PFKP: variants seen among roughly 807,000 people sequenced by gnomAD.
PFKP encodes the protein phosphofructokinase, platelet.
PFKP carries 101 observed loss-of-function variants against 94.3 expected under a neutral mutation model. The ratio of observed to expected loss-of-function variants is 1.07; its 90% CI spans 0.91 to 1.26. The LOEUF is 1.26. PFKP is among the 50% of genes most tolerant of loss of function. The pLI is 0.00. For synonymous variants in PFKP, 573 were observed against 432.6 expected (o/e 1.32, Z -4.03); for missense variants, 1,145 against 1,103.3 (o/e 1.04, Z -0.53).
rs574183097 is a variant in PFKP at position 3,074,931 on chromosome 10, G to T, written c.112+7224G>T. The stretch of plus-strand genomic sequence containing the variant: ...GAAATCCGTGGTCTCACAGCCTTCA[G>T]AGCCGAGAGCCCAGAACAGAGATTT... On this transcript the variant is annotated intron_variant, in intron 1 of 21. Transcript: ENST00000381125. 5.3e-5 allele frequency among the ~76,000 whole-genome samples: 8 copies of T among 152,188 alleles called. 1 individual carries two copies. Among genetic ancestry groups the T allele is most frequent in the Admixed American group, 3.9e-4 (6 of 15,290 alleles).
chr10:3,088,985 G>T (rs1833842555), intron 2 of PFKP, among the ~76,000 whole-genome samples: 1 of 152,088 alleles, frequency 6.6e-6, no homozygotes, highest in Non-Finnish European at 1.5e-5. Context: ...AGGCTGGAGT[G>T]CAATGGCCCA....
Position 3,101,416 on chromosome 10 carries a change from G to C in PFKP, c.316G>C (p.Gly106Arg). The C allele has an allele frequency of 2.5e-6, 4 of 1,606,044 alleles. No individual in the cohort carries two copies. The highest frequency in any genetic ancestry group is 3.4e-6 in the Non-Finnish European group (4 of 1,176,896). Residue 106 changes from glycine (G) to arginine (R), a missense_variant, in exon 4 of 22, where the codon GGC becomes CGC. Gly to Arg is a moderately radical substitution (Grantham distance 125). Transcript: ENST00000381125. ...GTGCCAGGCCTTCCGCACGCGGGAA[G>C]GCCGCCTGAAGGCTGCTTGCAACCT... ...ARCQAFRTRE[G>R]RLKAACNLLQ...
chr10:3,073,309 A>G (rs1832337220), intron 1 of PFKP, among the ~76,000 whole-genome samples: 1 of 151,840 alleles, frequency 6.6e-6, no homozygotes, highest in Non-Finnish European at 1.5e-5. Context: ...CCTCTTCCCT[A>G]ACACATATCC....
rs753694329 is a variant in PFKP, at chr10:3,101,368, G to A, written c.268G>A (p.Gly90Arg). The A allele has an allele frequency of 8.2e-6, 13 of 1,582,562 alleles. No individual in the cohort carries two copies. Among genetic ancestry groups the A allele is most frequent in the East Asian group, 2.3e-5 (1 of 43,122 alleles). ...ESVSSILQVG[G>R]TIIGSARCQA... is the part of the protein sequence containing the mutation. ...AATTAGCTGGTGTCTTTCCCAGGGC[G>A]GGACGATCATTGGCAGTGCGCGGTG... is the stretch of plus-strand genomic sequence containing the variant. Residue 90 changes from glycine to arginine, a missense_variant, in exon 4 of 22, where the codon GGG becomes AGG. By Grantham distance (125) the Gly-to-Arg change is moderately radical. Transcript: ENST00000381125.
At chr10:3,103,686 CT>C in intron 4 of PFKP, 92 bp from the exon 5 acceptor site, 1 of 1,221,056 alleles carries the variant, frequency 8.2e-7, no homozygotes. Flanking sequence ...GTTGATTTCT[CT>C]ACCCATGGCC....
rs538860540 is a variant in PFKP, at chr10:3,136,510, C to G, written c.2286C>G (p.Ala762=). The G allele has an allele frequency of 6.2e-7, 1 of 1,613,636 alleles. No individual in the cohort carries two copies. The highest frequency in any genetic ancestry group is 1.1e-5 in the South Asian group (1 of 90,992). ...TACGGCCCCTCATGAAAATCCTGGC[C>G]AAGTACAAGGCCAGCTATGACGTGT... is the stretch of plus-strand genomic sequence containing the variant. ...LKLRPLMKIL[A]KYKASYDVSD... Residue 762 remains alanine (A), a synonymous_variant, in exon 22 of 22, where the codon GCC becomes GCG. Coordinates refer to ENST00000381125, the MANE Select transcript of PFKP (RefSeq NM_002627.5).
chr10:3,101,102 T>A, intron 3 of PFKP: 1 of 961,316 alleles, frequency 1.0e-6, no homozygotes, highest in Non-Finnish European at 1.7e-6. Context: ...GCTCCATGTA[T>A]TTAACTGCTG....
chr10:3,096,261 T>C (rs982905609), intron 2 of PFKP, among the ~76,000 whole-genome samples: 1 of 152,074 alleles, frequency 6.6e-6, no homozygotes, highest in African/African-American at 2.4e-5. Context: ...GCTGATGCCG[T>C]TAGGGGTGCA....
intron 1 of PFKP, among the ~76,000 whole-genome samples, chr10:3,077,554 T>C (rs1022296960): frequency 3.3e-5 from 5 of 151,594 alleles, no homozygotes; most frequent in Non-Finnish European, 4.4e-5. Flanking sequence ...GCATGAGGCA[T>C]CGTGCCTGGC....
intron 2 of PFKP, among the ~76,000 whole-genome samples, chr10:3,097,401 C>T (rs1834579385): frequency 6.6e-6 from 1 of 152,132 alleles, no homozygotes; most frequent in Non-Finnish European, 1.5e-5. Flanking sequence ...GGGACGGCTA[C>T]ACTGGGCTCA....
At chr10:3,131,598 A>C (rs961974137) in intron 17 of PFKP, among the ~76,000 whole-genome samples, 3 of 152,170 alleles carry the variant, frequency 2.0e-5, no homozygotes, top group African/African-American at 7.2e-5. Context: ...GTGGGACTAC[A>C]GGCACCTGCC....
intron 13 of PFKP, among the ~76,000 whole-genome samples, chr10:3,114,956 C>T (rs1472069746): frequency 6.6e-6 from 1 of 152,210 alleles, no homozygotes; most frequent in Non-Finnish European, 1.5e-5. Context: ...GCTTTGCAGT[C>T]ACCTAGCAAG....
intron 15 of PFKP, 61 bp from the exon 16 acceptor site, chr10:3,119,831 A>G (rs1837218810): frequency 6.5e-7 from 1 of 1,549,372 alleles, no homozygotes; most frequent in Non-Finnish European, 8.9e-7. Context: ...AGCCTCTCCC[A>G]GCGAGACCCT....
At chr10:3,129,637 C>T (rs560018214) in intron 16 of PFKP, 182 bp from the exon 17 acceptor site, 11 of 660,696 alleles carry the variant, frequency 1.7e-5, no homozygotes, top group African/African-American at 3.7e-5. Context: ...CGGGGGACCA[C>T]GTTCACACCC....
At chr10:3,133,111 C>A (rs1013212371) in intron 18 of PFKP, 92 bp from the exon 19 acceptor site, 5 of 848,388 alleles carry the variant, frequency 5.9e-6, no homozygotes, top group Admixed American at 5.1e-5. Flanking sequence ...TTGGGGGATG[C>A]GGGAGTCCAG....
At chr10:3,102,039 C>T (rs1655295262) in intron 4 of PFKP, among the ~76,000 whole-genome samples, 1 of 150,500 alleles carries the variant, frequency 6.6e-6, no homozygotes, top group Admixed American at 6.6e-5. Context: ...ATCACGAGGT[C>T]AGGAGATCGA....
chr10:3,111,699 G>A (rs1014852752), intron 10 of PFKP, among the ~76,000 whole-genome samples: 6 of 152,188 alleles, frequency 3.9e-5, no homozygotes, highest in East Asian at 3.9e-4. Flanking sequence ...AGATCCTGAC[G>A]TTGCCCAGGG....
At chr10:3,135,965 TA>T (rs988427316) in intron 21 of PFKP, 127 bp downstream of exon 21, 28 of 653,692 alleles carry the variant, frequency 4.3e-5, no homozygotes, top group Middle Eastern at 5.4e-4. Flanking sequence ...GAAGCTCAGT[TA>T]AAAAAATACT....
At chr10:3,073,794 C>T (rs1300376913) in intron 1 of PFKP, among the ~76,000 whole-genome samples, 2 of 152,084 alleles carry the variant, frequency 1.3e-5, no homozygotes, top group African/African-American at 4.8e-5. Flanking sequence ...TGTCTTACTA[C>T]GATTAAGATT....
Sources: allele counts gnomAD v4.1 joint callset (sites outside exome capture counted in the v4.1 genomes callset), GRCh38; gene constraint gnomAD v4.1.1; transcripts MANE v1.5; gene names NCBI Gene and HGNC (gene_info 2026-07-23, HGNC 2026-07-21).